Variants in AKAP13 observed in about 807,000 individuals in gnomAD.
AKAP13 encodes A-kinase anchor protein 13.
Under a neutral mutation model 264.5 loss-of-function variants are expected in AKAP13, and 80 were observed. The observed-to-expected ratio is 0.30, with a 90% CI of 0.25 to 0.36. The LOEUF (loss-of-function observed/expected upper bound fraction) is 0.36, where lower values mean the gene tolerates loss of function less well. AKAP13 is among the 10% of genes least tolerant of loss of function. The probability of loss-of-function intolerance (pLI) is 1.00; values close to 1 mark genes in which losing one functional copy is unlikely to be tolerated. For missense variants in AKAP13, 3,712 were observed against 3,435.2 expected (o/e 1.08, Z -2.01); for synonymous variants, 1,380 against 1,250.2 (o/e 1.10, Z -2.19).
intron 8 of AKAP13, among the ~76,000 whole-genome samples, chr15:85,638,072 G>A (rs2082145521): frequency 6.6e-6 from 1 of 151,114 alleles, no homozygotes; most frequent in Admixed American, 6.6e-5. Flanking sequence ...TTTTAGTAGA[G>A]ACAGGATTTC....
chr15:85,557,612 GCACCAC>G (rs1342040022), intron 5 of AKAP13, among the ~76,000 whole-genome samples: 4 of 151,980 alleles, frequency 2.6e-5, no homozygotes, highest in African/African-American at 9.7e-5. Flanking sequence ...CTACAGGCAC[GCACCAC>G]CACTAACTAA....
intron 18 of AKAP13, 169 bp from the exon 19 acceptor site, chr15:85,710,410 A>T (rs549398664): frequency 1.8e-6 from 1 of 552,784 alleles, no homozygotes; most frequent in African/African-American, 1.9e-5. Flanking sequence ...AGTACGTGGC[A>T]GGCTTAGAGG....
chr15:85,541,599 T>A (rs182613629), intron 4 of AKAP13, among the ~76,000 whole-genome samples: 30 of 152,328 alleles, frequency 2.0e-4, no homozygotes, highest in African/African-American at 7.0e-4. Flanking sequence ...TTTGTTTGTT[T>A]GTTTGTTTAA....
At chr15:85,524,719 ATTG>A (rs1052558479) in intron 3 of AKAP13, among the ~76,000 whole-genome samples, 2 of 152,102 alleles carry the variant, frequency 1.3e-5, no homozygotes, top group African/African-American at 4.8e-5. Flanking sequence ...CTCCTAATAA[ATTG>A]TTTTGACTTC....
chr15:85,725,376 T>A (rs1179502294), intron 26 of AKAP13, among the ~76,000 whole-genome samples: 1 of 151,998 alleles, frequency 6.6e-6, no homozygotes, highest in African/African-American at 2.4e-5. Context: ...GTGTCTCTGC[T>A]TTTTTGGGGG....
In AKAP13 at chr15:85,735,178, A is replaced by G. The variant is rs747426742; in HGVS notation, c.7441+28A>G. ...AAATGATGTGAAGTCATGAGCTTTTATAGGCAATCCTTGACTATCTCACAC... is the reference window on the plus strand; with the variant it reads ...AAATGATGTGAAGTCATGAGCTTTTGTAGGCAATCCTTGACTATCTCACAC... On this transcript the variant is annotated intron_variant, in intron 31 of 36. Transcript: ENST00000394518. 17 of 1,607,470 alleles carry G rather than the reference A, an allele frequency of 1.1e-5. No individual in the cohort carries two copies. In the South Asian group the frequency reaches 1.6e-4, roughly 15 times the overall value.
intron 1 of AKAP13, among the ~76,000 whole-genome samples, chr15:85,385,450 C>T (rs900358170): frequency 2.6e-5 from 4 of 152,124 alleles, no homozygotes; most frequent in African/African-American, 9.7e-5. Flanking sequence ...TGAGTTTTGA[C>T]AGGTGTATAC....
intron 8 of AKAP13, among the ~76,000 whole-genome samples, chr15:85,631,452 A>G (rs2081799779): frequency 6.6e-6 from 1 of 151,736 alleles, no homozygotes; most frequent in South Asian, 2.1e-4. Flanking sequence ...CTCAATAAGG[A>G]TGTTAAAATG....
At position 85,741,447 on chromosome 15, in the gene AKAP13, G is replaced by C. The variant is rs202210083; in HGVS notation, c.8010G>C (p.Arg2670=). The change falls in exon 35 of 37, where the codon CGG becomes CGC. Residue 2670 remains arginine, a synonymous_variant. Coordinates refer to ENST00000394518, the MANE Select transcript of AKAP13 (RefSeq NM_007200.5). ...AGAGGGAACAGGAGCAGCTGCGCCGGGAGGCAGAGCGGCTCAGCCAGCGGC... is the reference window on the plus strand; with the variant it reads ...AGAGGGAACAGGAGCAGCTGCGCCGCGAGGCAGAGCGGCTCAGCCAGCGGC... ...QLEREQEQLR[R]EAERLSQRQT... The C allele has an allele frequency of 1.2e-6, 2 of 1,608,344 alleles. No homozygotes were observed. The highest frequency in any genetic ancestry group is 2.7e-5 in the African/African-American group (2 of 74,834).
chr15:85,427,177 G>C (rs1007356608), intron 1 of AKAP13, among the ~76,000 whole-genome samples: 2 of 151,754 alleles, frequency 1.3e-5, no homozygotes, highest in African/African-American at 4.8e-5. Flanking sequence ...GGACGGTCTC[G>C]ATCTCATGTC....
At chr15:85,631,502 T>TCTCTCTCACACA (rs1372440393) in intron 8 of AKAP13, among the ~76,000 whole-genome samples, 4 of 140,958 alleles carry the variant, frequency 2.8e-5, no homozygotes, top group African/African-American at 1.1e-4. Flanking sequence ...TCTCTCTCTC[T>TCTCTCTCACACA]CACACACACA....
chr15:85,717,162 A>G (rs187155683), intron 20 of AKAP13, 128 bp from the exon 21 acceptor site: 3 of 576,144 alleles, frequency 5.2e-6, no homozygotes, highest in African/African-American at 2.0e-5. Flanking sequence ...GACATAAGCA[A>G]TTTGTCTTCA....
At chr15:85,543,431 G>A (rs542625076) in intron 4 of AKAP13, among the ~76,000 whole-genome samples, 12 of 152,312 alleles carry the variant, frequency 7.9e-5, no homozygotes, top group South Asian at 4.1e-4. Context: ...GTAAAAGAAC[G>A]TGTGTATGGG....
Position 85,655,971 on chromosome 15 carries a change from T to G in AKAP13, c.4745+184T>G, listed in dbSNP as rs142584267. On this transcript the variant is annotated intron_variant, in intron 11 of 36. Transcript: ENST00000394518. ...TCCAAAATTTACTATGTAGATGACCTTGGGCAAGTCACCTGACCCCTCTAA... is the reference window on the plus strand; with the variant it reads ...TCCAAAATTTACTATGTAGATGACCGTGGGCAAGTCACCTGACCCCTCTAA... 4.6e-3 allele frequency among the ~76,000 whole-genome samples: 705 copies of G among 152,324 alleles called. 7 individuals carry two copies. The highest frequency in any genetic ancestry group is 0.016 in the African/African-American group (672 of 41,566).
At chr15:85,631,598 G>A (rs1447598012) in intron 8 of AKAP13, among the ~76,000 whole-genome samples, 2 of 150,954 alleles carry the variant, frequency 1.3e-5, no homozygotes, top group Non-Finnish European at 2.9e-5. Flanking sequence ...AACAGAAAGA[G>A]AACACTAATG....
intron 10 of AKAP13, among the ~76,000 whole-genome samples, chr15:85,650,632 T>C (rs973770148): frequency 2.0e-5 from 3 of 150,742 alleles, no homozygotes; most frequent in Non-Finnish European, 4.4e-5. Context: ...GGCAGGCGCC[T>C]GTAATCCCAG....
intron 5 of AKAP13, among the ~76,000 whole-genome samples, chr15:85,569,496 A>G (rs1015138457): frequency 7.8e-6 from 1 of 128,122 alleles, no homozygotes; most frequent in Non-Finnish European, 1.6e-5. Flanking sequence ...CTTGTTGCCT[A>G]GGCTGCAGTG....
rs186558748 is a variant in AKAP13, at chr15:85,453,164, C to T, written c.-11-32546C>T. Among the ~76,000 whole-genome samples, 33 of 152,318 alleles carry T rather than the reference C, an allele frequency of 2.2e-4. 2 individuals are homozygous for T. The South Asian group carries it at 5.4e-3, about 25-fold the overall frequency. On this transcript the variant is annotated intron_variant, in intron 1 of 36. Coordinates refer to ENST00000394518, the MANE Select transcript of AKAP13 (RefSeq NM_007200.5). Reference sequence around the variant, plus strand: ...AAAGCACTTAATGTCTTTGCTCCTTCATCAGACCGAGGGTGGCAAGGGCAG... The same window carrying T: ...AAAGCACTTAATGTCTTTGCTCCTTTATCAGACCGAGGGTGGCAAGGGCAG...
At chr15:85,620,896 A>G (rs1388803706) in intron 8 of AKAP13, among the ~76,000 whole-genome samples, 2 of 152,198 alleles carry the variant, frequency 1.3e-5, no homozygotes, top group Non-Finnish European at 2.9e-5. Flanking sequence ...GAACTCCTCC[A>G]GCCGGTAAGA....
Sources: gnomAD v4.1 joint callset for allele counts (sites outside exome capture counted in the v4.1 genomes callset) on GRCh38, gnomAD v4.1.1 for gene constraint, MANE v1.5 for transcripts, NCBI Gene and HGNC (gene_info 2026-07-23, HGNC 2026-07-21) for gene names.